The following SMU1 variants were observed in gnomAD, a reference collection of about 807,000 sequenced individuals.
SMU1 encodes WD40 repeat-containing protein SMU1.
In SMU1, 2 loss-of-function variants were observed where a neutral mutation model predicts 62.0. The ratio of observed to expected loss-of-function variants is 0.03; its 90% CI spans 0.01 to 0.10. The LOEUF (loss-of-function observed/expected upper bound fraction) is 0.10, where lower values mean the gene tolerates loss of function less well. Among genes scored for constraint, SMU1 ranks in the 10% least tolerant of loss-of-function variants. SMU1 has a pLI of 1.00. For synonymous variants in SMU1, 188 were observed against 212.4 expected, an observed-to-expected ratio of 0.89 and a Z score of 1.00; for missense variants, 227 against 622.1, an observed-to-expected ratio of 0.36 and a Z score of 6.76.
rs141620295 is a variant in SMU1, at chr9:33,043,992, T to TAAAAAAAAAA, written c.*3291_*3300dup. On this transcript the variant is annotated 3_prime_UTR_variant, in exon 12 of 12. Coordinates refer to ENST00000397149, the MANE Select transcript of SMU1 (RefSeq NM_018225.3). ...ACCTGAGATTTATACCATTTGCTGT[T>TAAAAAAAAAA]AAAAAAAAAAAAAAAAAAAAAGCCA... 2 of 118,110 alleles carry TAAAAAAAAAA rather than the reference T, an allele frequency of 1.7e-5. No homozygotes were observed. The highest frequency in any genetic ancestry group is 1.8e-4 in the Admixed American group (2 of 11,428). 7.3% of individuals were successfully genotyped at this position (118,110 alleles called of 1,614,324 possible).
At chr9:33,063,844 C>T (rs1839390749) in intron 4 of SMU1, among the ~76,000 whole-genome samples, 1 of 151,674 alleles carries the variant, frequency 6.6e-6, no homozygotes, top group South Asian at 2.1e-4. Context: ...GTCTTTGGTG[C>T]CAAAAATGTT....
At chr9:33,053,018 G>T (rs1839266401) in intron 10 of SMU1, 105 bp downstream of exon 10, 2 of 974,936 alleles carry the variant, frequency 2.1e-6, no homozygotes, top group East Asian at 2.4e-5. Flanking sequence ...GGTTTACAGA[G>T]AAATGAACCC....
chr9:33,066,798 C>G (rs1462099588), intron 4 of SMU1, among the ~76,000 whole-genome samples: 1 of 141,866 alleles, frequency 7.0e-6, no homozygotes, highest in Non-Finnish European at 1.6e-5. Flanking sequence ...GAGTGAGACT[C>G]TGTCTCAAAA....
chr9:33,073,820 A>T lies in SMU1; in HGVS notation c.27-14T>A. On this transcript the variant is annotated splice_polypyrimidine_tract_variant and intron_variant, in intron 1 of 11. Coordinates refer to ENST00000397149, the MANE Select transcript of SMU1 (RefSeq NM_018225.3). Reference sequence around the variant, plus strand: ...AGGCGGATCACACTGAAAGAAAACAAATCGTTCAGCTCAGGGATTCTCACT... The same window carrying T: ...AGGCGGATCACACTGAAAGAAAACATATCGTTCAGCTCAGGGATTCTCACT... The T allele has an allele frequency of 6.2e-7, 1 of 1,612,340 alleles. No homozygotes were observed. Among genetic ancestry groups the T allele is most frequent in the Middle Eastern group, 1.7e-4 (1 of 6,056 alleles).
chr9:33,060,350 C>T, intron 6 of SMU1, 115 bp downstream of exon 6: 1 of 900,392 alleles, frequency 1.1e-6, no homozygotes, highest in East Asian at 2.7e-5. Context: ...AAAAGTAATA[C>T]ATGTTCATTA....
rs548511064 is a variant in SMU1, at chr9:33,052,741, G to A, written c.1290+382C>T. Among the ~76,000 whole-genome samples the A allele has an allele frequency of 6.6e-5, 10 of 152,312 alleles. No homozygotes were observed. The South Asian group carries it at 2.1e-3, about 32-fold the overall frequency. On this transcript the variant is annotated intron_variant, in intron 10 of 11. Coordinates refer to ENST00000397149, the MANE Select transcript of SMU1 (RefSeq NM_018225.3). ...CTGCTGCTGCCTTTCTCCTATTAGTGTTCCACTTTAGATCGTGGTAGCTGG... is the reference window on the plus strand; with the variant it reads ...CTGCTGCTGCCTTTCTCCTATTAGTATTCCACTTTAGATCGTGGTAGCTGG...
chr9:33,076,544 C>A (rs769405516), intron 1 of SMU1, 39 bp downstream of exon 1: 1 of 1,611,970 alleles, frequency 6.2e-7, no homozygotes, highest in Admixed American at 1.7e-5. Flanking sequence ...AACCTCCAGG[C>A]CCCCGGCAAG....
At chr9:33,070,065 C>CA (rs1839469907) in intron 3 of SMU1, among the ~76,000 whole-genome samples, 1 of 152,070 alleles carries the variant, frequency 6.6e-6, no homozygotes, top group South Asian at 2.1e-4. Context: ...GCGGAGGCTG[C>CA]AGTGAGCCGA....
At position 33,047,154 on chromosome 9, in the gene SMU1, A is replaced by G. The variant is rs1419255513; in HGVS notation, c.*139T>C. On this transcript the variant is annotated 3_prime_UTR_variant, in exon 12 of 12. Coordinates refer to ENST00000397149, the MANE Select transcript of SMU1 (RefSeq NM_018225.3). ...AAGGGTAGTTGCTACTTAAACATGA[A>G]TTTTCACAAAATTATTCTGTGACTA... 1.5e-5 allele frequency: 9 copies of G among 580,982 alleles called. No individual in the cohort carries two copies. The South Asian group carries it at 2.2e-4, about 14-fold the overall frequency. The allele number at this position is 580,982 out of a possible 1,614,324, so 36.0% of individuals were successfully genotyped here.
In SMU1 at chr9:33,043,204, C is replaced by T. The variant is rs896460585; in HGVS notation, c.*4089G>A. On this transcript the variant is annotated 3_prime_UTR_variant, in exon 12 of 12. Transcript: ENST00000397149. The stretch of plus-strand genomic sequence containing the variant: ...GACATACACTTCATAGCAATTTCTT[C>T]TCTTAAAATAGTGGAAAATGAAGCT... The T allele has an allele frequency of 3.9e-5, 6 of 152,182 alleles. No homozygotes were observed. Among genetic ancestry groups the T allele is most frequent in the Admixed American group, 1.3e-4 (2 of 15,278 alleles). The allele number at this position is 152,182 out of a possible 1,614,324, so 9.4% of individuals were successfully genotyped here.
At chr9:33,067,297 C>CAAAAAAAAA (rs58105257) in intron 4 of SMU1, among the ~76,000 whole-genome samples, 2 of 52,766 alleles carry the variant, frequency 3.8e-5, no homozygotes, top group African/African-American at 2.0e-4. Context: ...TGCTAATGAC[C>CAAAAAAAAA]AAAAAAAAAA....
chr9:33,053,442 C>T (rs935358485), intron 9 of SMU1, 152 bp from the exon 10 acceptor site: 2 of 712,478 alleles, frequency 2.8e-6, no homozygotes, highest in African/African-American at 1.8e-5. Context: ...ATCAAATACC[C>T]AGCACTGCCA....
chr9:33,073,539 G>T, intron 2 of SMU1, 57 bp downstream of exon 2: 1 of 1,283,592 alleles, frequency 7.8e-7, no homozygotes, highest in Non-Finnish European at 1.1e-6. Context: ...CTTTTTAGTT[G>T]GGGAGCTGGC....
chr9:33,068,610 T>C lies in SMU1; in HGVS notation c.501+214A>G, dbSNP rs142784371. Among the ~76,000 whole-genome samples, 741 of 152,254 alleles carry C rather than the reference T, an allele frequency of 4.9e-3. 8 individuals are homozygous for C. The highest frequency in any genetic ancestry group is 0.017 in the African/African-American group (717 of 41,540). On this transcript the variant is annotated intron_variant, in intron 4 of 11. Transcript: ENST00000397149. ...ATCTCAATCTTCTGGGCTCCAGTGA[T>C]TGTCCCACCTCAGCCTCCCAAGTAA...
In SMU1 at chr9:33,051,120, C is replaced by CA. The variant is rs1225817487; in HGVS notation, c.1290+2002dup. ...TGGGCGACAGAGCGAGACTCTGTCTCAAAAAAAAAAAAAAATAAAAATAAA... is the reference window on the plus strand; with the variant it reads ...TGGGCGACAGAGCGAGACTCTGTCTCAAAAAAAAAAAAAAAATAAAAATAAA... On this transcript the variant is annotated intron_variant, in intron 10 of 11. Coordinates refer to ENST00000397149, the MANE Select transcript of SMU1 (RefSeq NM_018225.3). Among the ~76,000 whole-genome samples, 322 of 37,832 alleles carry CA rather than the reference C, an allele frequency of 8.5e-3. 35 individuals are homozygous for CA. The highest frequency in any genetic ancestry group is 0.013 in the Non-Finnish European group (209 of 16,666). 24.8% of individuals were successfully genotyped at this position (37,832 alleles called of 152,430 possible).
intron 10 of SMU1, among the ~76,000 whole-genome samples, chr9:33,049,343 T>C (rs1839217879): frequency 6.6e-6 from 1 of 152,172 alleles, no homozygotes; most frequent in South Asian, 2.1e-4. Context: ...AGAGAAAAGA[T>C]AGTGTTTTCA....
At chr9:33,071,678 A>G (rs77215949) in intron 3 of SMU1, 62 bp downstream of exon 3, 2 of 1,490,748 alleles carry the variant, frequency 1.3e-6, no homozygotes, top group Admixed American at 2.3e-5. Context: ...AAAAAAAAAA[A>G]AGATCATGTT....
At chr9:33,056,512 G>A (rs980547603) in intron 8 of SMU1, among the ~76,000 whole-genome samples, 1 of 152,178 alleles carries the variant, frequency 6.6e-6, no homozygotes, top group African/African-American at 2.4e-5. Context: ...AGGAGATTGA[G>A]ATCAGTGGGT....
At chr9:33,063,702 C>T (rs1041481776) in intron 4 of SMU1, among the ~76,000 whole-genome samples, 18 of 151,620 alleles carry the variant, frequency 1.2e-4, no homozygotes, top group African/African-American at 3.9e-4. Flanking sequence ...AATGCGCATG[C>T]GAGGGATCTA....
Sources: gnomAD v4.1 joint callset for allele counts (sites outside exome capture counted in the v4.1 genomes callset) on GRCh38, gnomAD v4.1.1 for gene constraint, MANE v1.5 for transcripts, NCBI Gene and HGNC (gene_info 2026-07-23, HGNC 2026-07-21) for gene names.